The following TAFA2 variants were observed in gnomAD, a reference collection of about 807,000 sequenced individuals.
TAFA2 encodes the protein TAFA chemokine like family member 2, also known as chemokine-like protein TAFA-2.
A neutral mutation model predicts 18.8 loss-of-function variants in TAFA2; 7 were observed. That is an observed-to-expected ratio of 0.37 (90% CI 0.21 to 0.70). The LOEUF (loss-of-function observed/expected upper bound fraction) is 0.70. Ranked by LOEUF, TAFA2 falls within the 30% of genes least tolerant of loss-of-function variation. TAFA2 has a pLI of 0.53. For synonymous variants in TAFA2, 60 were observed against 54.2 expected (o/e 1.11, Z -0.47); for missense variants, 122 against 158.1 (o/e 0.77, Z 1.23).
At chr12:61,731,559 T>C (rs536908707) in intron 4 of TAFA2, among the ~76,000 whole-genome samples, 1 of 152,114 alleles carries the variant, frequency 6.6e-6, no homozygotes, top group South Asian at 2.1e-4. Context: ...CCTGAAACCC[T>C]GCTCATTCTT....
chr12:62,025,334 C>G (rs2136736576), intron 1 of TAFA2, among the ~76,000 whole-genome samples: 1 of 152,098 alleles, frequency 6.6e-6, no homozygotes, highest in African/African-American at 2.4e-5. Flanking sequence ...ATGGGATCAA[C>G]CATACCCTAA....
At chr12:61,818,307 G>A (rs1354027822) in intron 2 of TAFA2, among the ~76,000 whole-genome samples, 2 of 151,834 alleles carry the variant, frequency 1.3e-5, no homozygotes, top group African/African-American at 4.8e-5. Flanking sequence ...AACCTACACT[G>A]AATAGGTAAA....
At chr12:62,201,574 C>A (rs1408292520) in intron 1 of TAFA2, among the ~76,000 whole-genome samples, 2 of 152,186 alleles carry the variant, frequency 1.3e-5, no homozygotes, top group Admixed American at 6.5e-5. Flanking sequence ...AGCCTTGCAT[C>A]CCAGGGATGA....
intron 1 of TAFA2, among the ~76,000 whole-genome samples, chr12:62,208,672 C>T (rs1263633932): frequency 6.6e-6 from 1 of 152,006 alleles, no homozygotes. Flanking sequence ...TCAGAAGTAC[C>T]GATTAGAGGA....
chr12:61,710,730 G>GT (rs1338282704), intron 4 of TAFA2, among the ~76,000 whole-genome samples: 2 of 151,944 alleles, frequency 1.3e-5, no homozygotes, highest in South Asian at 2.1e-4. Flanking sequence ...TGGAATCCTT[G>GT]TTTTTTTGCA....
chr12:62,068,843 G>A (rs1472420514), intron 1 of TAFA2, among the ~76,000 whole-genome samples: 2 of 152,078 alleles, frequency 1.3e-5, no homozygotes, highest in Non-Finnish European at 2.9e-5. Flanking sequence ...TATAATCATA[G>A]ACAATCATTT....
At chr12:62,021,992 C>A (rs1224260657) in intron 1 of TAFA2, 2 of 676,014 alleles carry the variant, frequency 3.0e-6, no homozygotes, top group Non-Finnish European at 5.7e-6. Context: ...CGCAGAGACT[C>A]TGCCTGGGCA....
At chr12:62,232,053 G>C (rs1283233044) in intron 1 of TAFA2, among the ~76,000 whole-genome samples, 1 of 151,986 alleles carries the variant, frequency 6.6e-6, no homozygotes, top group African/African-American at 2.4e-5. Flanking sequence ...CCCAATGTGA[G>C]TGCATTTATT....
At chr12:62,210,651 C>A (rs1245644) in intron 1 of TAFA2, among the ~76,000 whole-genome samples, 1 of 151,902 alleles carries the variant, frequency 6.6e-6, no homozygotes, top group Non-Finnish European at 1.5e-5. Flanking sequence ...AAAGCATGTA[C>A]ATATTGAAGA....
chr12:62,203,771 G>T (rs1029346757), intron 1 of TAFA2, among the ~76,000 whole-genome samples: 1 of 152,096 alleles, frequency 6.6e-6, no homozygotes, highest in Non-Finnish European at 1.5e-5. Context: ...ATACCAATGG[G>T]TCTTGACTCT....
intron 1 of TAFA2, chr12:61,880,846 A>C (rs1211920701): frequency 4.1e-6 from 1 of 241,470 alleles, no homozygotes; most frequent in Non-Finnish European, 8.3e-6. Flanking sequence ...GCCACTGTGC[A>C]GGGGAGCACA....
At chr12:61,753,511 C>G (rs1161837154) in intron 4 of TAFA2, 111 bp downstream of exon 4, 2 of 990,912 alleles carry the variant, frequency 2.0e-6, no homozygotes, top group Non-Finnish European at 2.9e-6. Context: ...ACATATCTTG[C>G]AAAACTATAC....
chr12:61,811,061 A>G (rs1028562562), intron 2 of TAFA2, among the ~76,000 whole-genome samples: 10 of 151,234 alleles, frequency 6.6e-5, no homozygotes, highest in African/African-American at 2.5e-4. Context: ...GTAAAGAAAA[A>G]CTATATTAAT....
At chr12:62,122,807 G>A (rs1376100097) in intron 1 of TAFA2, among the ~76,000 whole-genome samples, 1 of 152,170 alleles carries the variant, frequency 6.6e-6, no homozygotes, top group Non-Finnish European at 1.5e-5. Context: ...CTGGCTTGGT[G>A]TGAACTGCAC....
intron 1 of TAFA2, among the ~76,000 whole-genome samples, chr12:62,233,254 T>C (rs2136985253): frequency 6.6e-6 from 1 of 151,706 alleles, no homozygotes; most frequent in Middle Eastern, 3.4e-3. Flanking sequence ...CTAATTTTTG[T>C]ACTTTTTGTA....
At chr12:62,212,062 C>A (rs1375216928) in intron 1 of TAFA2, among the ~76,000 whole-genome samples, 2 of 152,040 alleles carry the variant, frequency 1.3e-5, no homozygotes, top group South Asian at 2.1e-4. Context: ...TAGTATGAAA[C>A]CTGTAGTCAA....
intron 1 of TAFA2, among the ~76,000 whole-genome samples, chr12:62,152,853 G>A (rs1362385942): frequency 1.3e-5 from 2 of 152,128 alleles, no homozygotes; most frequent in African/African-American, 2.4e-5. Flanking sequence ...CAATCTCCAC[G>A]AATGTGTTGA....
intron 2 of TAFA2, among the ~76,000 whole-genome samples, chr12:61,764,501 T>C (rs1344257571): frequency 3.3e-5 from 5 of 151,784 alleles, no homozygotes. Context: ...GGGGCTCTCA[T>C]GTGTAGTTGT....
chr12:61,833,699 A>T (rs1470313620), intron 2 of TAFA2, among the ~76,000 whole-genome samples: 1 of 151,808 alleles, frequency 6.6e-6, no homozygotes, highest in African/African-American at 2.4e-5. Flanking sequence ...TTCCTCTGTG[A>T]CTATAATCCT....
Sources: allele counts gnomAD v4.1 joint callset (sites outside exome capture counted in the v4.1 genomes callset), GRCh38; gene constraint gnomAD v4.1.1; transcripts MANE v1.5; gene names NCBI Gene and HGNC (gene_info 2026-07-23, HGNC 2026-07-21).